The following CBX2 variants were observed in gnomAD, a reference collection of about 807,000 sequenced individuals.
The protein encoded by CBX2 is chromobox 2.
CBX2 carries 11 observed loss-of-function variants against 21.0 expected under a neutral mutation model. The ratio of observed to expected loss-of-function variants is 0.52; its 90% confidence interval spans 0.33 to 0.87. The LOEUF (loss-of-function observed/expected upper bound fraction) is 0.87. Among genes scored for constraint, CBX2 ranks in the 40% least tolerant of loss-of-function variants. CBX2 has a pLI of 0.02. For synonymous variants in CBX2, 364 were observed against 304.6 expected, an observed-to-expected ratio of 1.19 and a Z score of -2.03; for missense variants, 746 against 724.3, an observed-to-expected ratio of 1.03 and a Z score of -0.34.
At chr17:79,777,927 C>G (rs1462896923), upstream of CBX2, among the ~76,000 whole-genome samples, 13 of 145,938 alleles carry the variant, frequency 8.9e-5, no homozygotes, top group African/African-American at 3.0e-4. Flanking sequence ...GCCCCCACCC[C>G]CGCCCCCGCC....
chr17:79,780,467 T>G (rs977188801), intron 3 of CBX2, among the ~76,000 whole-genome samples: 2 of 152,200 alleles, frequency 1.3e-5, no homozygotes, highest in African/African-American at 4.8e-5. Flanking sequence ...TTAGTTCCTG[T>G]CTGGGTGCTG....
In CBX2 at chr17:79,785,222, A is replaced by G. The variant is rs1294805654; in HGVS notation, c.*180A>G. The G allele has an allele frequency of 4.7e-6, 3 of 634,324 alleles. No homozygotes were observed. The highest frequency in any genetic ancestry group is 8.5e-6 in the Non-Finnish European group (3 of 354,792). 39.3% of individuals were successfully genotyped at this position (634,324 alleles called of 1,614,324 possible). On this transcript the variant is annotated 3_prime_UTR_variant, in exon 5 of 5. Coordinates refer to ENST00000310942, the MANE Select transcript of CBX2 (RefSeq NM_005189.3). The stretch of plus-strand genomic sequence containing the variant: ...CCCGCACCCCACTCTGTCCCAGGAC[A>G]TAGGGCAGGGGGCCTCACTGCCTTG...
At chr17:79,779,839 C>T (rs1336493148) in intron 3 of CBX2, 4 of 282,490 alleles carry the variant, frequency 1.4e-5, no homozygotes, top group African/African-American at 2.2e-5. Context: ...CAGCCCTGCA[C>T]GCGTGTGCCA....
At chr17:79,779,523 T>TCCA in intron 3 of CBX2, 96 bp downstream of exon 3, 1 of 1,128,580 alleles carries the variant, frequency 8.9e-7, no homozygotes. Flanking sequence ...AGGCTGGAGC[T>TCCA]GGGGCTGTGG....
At chr17:79,779,876 C>G (rs1291844718) in intron 3 of CBX2, 7 of 260,094 alleles carry the variant, frequency 2.7e-5, no homozygotes, top group African/African-American at 1.5e-4. Context: ...AGAGAGGGAG[C>G]TGGAACACAC....
At chr17:79,777,966 C>T (rs1384369867), upstream of CBX2, among the ~76,000 whole-genome samples, 7 of 145,364 alleles carry the variant, frequency 4.8e-5, no homozygotes, top group East Asian at 2.0e-4. Context: ...CGGGACCCCC[C>T]GCCGGAGCGC....
upstream of CBX2, among the ~76,000 whole-genome samples, chr17:79,777,898 C>A (rs1906833462): frequency 6.7e-6 from 1 of 149,520 alleles, no homozygotes; most frequent in Non-Finnish European, 1.5e-5. Flanking sequence ...CCTCCTCCCC[C>A]AGCCAGGGGC....
chr17:79,780,989 C>T (rs1555830061), intron 3 of CBX2, among the ~76,000 whole-genome samples: 1 of 151,952 alleles, frequency 6.6e-6, no homozygotes, highest in African/African-American at 2.4e-5. Context: ...TTCTGAAATA[C>T]AGGCTTTCCC....
In CBX2 at chr17:79,782,118, A is replaced by G. The variant is rs143819294; in HGVS notation, c.288+317A>G. On this transcript the variant is annotated intron_variant, in intron 4 of 4. Transcript: ENST00000310942. ...TTCCCTCCCAGGGGGTCCTTGGGGG[A>G]CGGAAAGGAACAGGAAGCATGCGTA... The G allele has an allele frequency of 3.1e-6, 5 of 1,612,848 alleles. No homozygotes were observed. In the African/African-American group the frequency reaches 6.7e-5, roughly 22 times the overall value.
chr17:79,785,081 C>G lies in CBX2; in HGVS notation c.*39C>G. The G allele has an allele frequency of 6.5e-7, 1 of 1,537,224 alleles. No homozygotes were observed. Among genetic ancestry groups the G allele is most frequent in the Non-Finnish European group, 8.9e-7 (1 of 1,123,936 alleles). ...CCAGCTGCGCGGTCTTACTCCCCTT[C>G]CCTGCCTATGGTGTCGCTTGGCTAA... is the stretch of plus-strand genomic sequence containing the variant. On this transcript the variant is annotated 3_prime_UTR_variant, in exon 5 of 5. Transcript: ENST00000310942.
intron 3 of CBX2, among the ~76,000 whole-genome samples, chr17:79,781,103 G>A (rs1207325977): frequency 6.6e-6 from 1 of 152,122 alleles, no homozygotes; most frequent in African/African-American, 2.4e-5. Flanking sequence ...AGCCTTGCCT[G>A]CCTCAGACCT....
In CBX2 at chr17:79,784,538, G is replaced by A; in HGVS notation, c.1095G>A (p.Met365Ile). 2 of 1,612,714 alleles carry A rather than the reference G, an allele frequency of 1.2e-6. No individual in the cohort carries two copies. Among genetic ancestry groups the A allele is most frequent in the Non-Finnish European group, 1.7e-6 (2 of 1,179,932 alleles). Residue 365 changes from methionine to isoleucine, a missense_variant, in exon 5 of 5, where the codon ATG becomes ATA. This residue lies in a region of CBX2 where 701 missense variants were observed against 650.7 expected (regional missense o/e 1.08). Coordinates refer to ENST00000310942, the MANE Select transcript of CBX2 (RefSeq NM_005189.3). This position sits in a 1 kb window ranked among gnomAD's most constrained non-coding sequence, Gnocchi z 5.9. ...ACTTGCAGAGTGTCAAGAATGGCAT[G>A]CCCGGGGTGGGTCTCCTTGCCCGCC... ...VLDLQSVKNG[M>I]PGVGLLARHA...
At position 79,787,625 on chromosome 17, in the gene CBX2, C is replaced by A. The variant is rs561830869; in HGVS notation, c.*2583C>A. ...TTGTGTAGCTAGGTATCTGGCACTT[C>A]TGACGATGCATTGTTGCTTTTTTCC... On this transcript the variant is annotated 3_prime_UTR_variant, in exon 5 of 5. Coordinates refer to ENST00000310942, the MANE Select transcript of CBX2 (RefSeq NM_005189.3). The A allele has an allele frequency of 1.3e-4, 20 of 152,500 alleles. No individual in the cohort carries two copies. Among genetic ancestry groups the A allele is most frequent in the African/African-American group, 4.1e-4 (17 of 41,558 alleles). 9.4% of individuals were successfully genotyped at this position (152,500 alleles called of 1,614,324 possible).
intron 3 of CBX2, 86 bp from the exon 4 acceptor site, chr17:79,781,610 A>G (rs960833976): frequency 8.8e-7 from 1 of 1,141,766 alleles, no homozygotes; most frequent in Middle Eastern, 2.2e-4. Context: ...GCCAACAGGA[A>G]TAGGGTGCTG....
chr17:79,779,507 GC>G lies in CBX2; in HGVS notation c.182+82del, dbSNP rs577663744. The G allele has an allele frequency of 5.6e-4, 744 of 1,320,194 alleles. 10 individuals are homozygous for G. In the South Asian group the frequency reaches 8.7e-3, roughly 15 times the overall value. The allele number at this position is 1,320,194 out of a possible 1,614,324, so 81.8% of individuals were successfully genotyped here. A position where few individuals can be genotyped will look rare whatever the true frequency, so the allele number is the denominator to read the frequency against. On this transcript the variant is annotated intron_variant, in intron 3 of 4. Transcript: ENST00000310942. Reference sequence around the variant, plus strand: ...GAGTCGTGCTGGGCGCTGCTCGCCTGCCGGGAGGCTGGAGCTGGGGCTGTGG... The same window carrying G: ...GAGTCGTGCTGGGCGCTGCTCGCCTGCGGGAGGCTGGAGCTGGGGCTGTGG...
Position 79,779,310 on chromosome 17 carries a change from A to AGCGGTGATCATCAGCCTG in CBX2, c.117-48_117-31dup, listed in dbSNP as rs1415756794. ...CGAGCCCCCTCGGGCTGCCTTGCAA[A>AGCGGTGATCATCAGCCTG]GCGGTGATCATCAGCCTGGCGTCTA... On this transcript the variant is annotated intron_variant, in intron 2 of 4. Coordinates refer to ENST00000310942, the MANE Select transcript of CBX2 (RefSeq NM_005189.3). 49 of 1,584,686 alleles carry AGCGGTGATCATCAGCCTG rather than the reference A, an allele frequency of 3.1e-5. No individual in the cohort carries two copies. In the African/African-American group the frequency reaches 6.2e-4, roughly 20 times the overall value.
intron 3 of CBX2, among the ~76,000 whole-genome samples, chr17:79,780,940 A>G (rs1213120177): frequency 3.3e-5 from 5 of 152,244 alleles, no homozygotes; most frequent in East Asian, 1.9e-4. Flanking sequence ...CCAGGCCCCA[A>G]TGAGATGATG....
In CBX2 at chr17:79,778,557, C is replaced by T. The variant is rs1906913303; in HGVS notation, c.116+130C>T. On this transcript the variant is annotated intron_variant, in intron 2 of 4. Coordinates refer to ENST00000310942, the MANE Select transcript of CBX2 (RefSeq NM_005189.3). The surrounding 1 kb of genome is among the most constrained non-coding windows in gnomAD (Gnocchi z 4.8). ...CAGAGCGGGAAGTTCGCGGGGTCCCCGCGGGCTCCTCCGGCTCTGAGGGGG... is the reference window on the plus strand; with the variant it reads ...CAGAGCGGGAAGTTCGCGGGGTCCCTGCGGGCTCCTCCGGCTCTGAGGGGG... 2 of 508,256 alleles carry T rather than the reference C, an allele frequency of 3.9e-6. No individual in the cohort carries two copies. Among genetic ancestry groups the T allele is most frequent in the African/African-American group, 2.1e-5 (1 of 48,648 alleles). The allele number at this position is 508,256 out of a possible 1,614,324, so 31.5% of individuals were successfully genotyped here. A position where few individuals can be genotyped will look rare whatever the true frequency, so the allele number is the denominator to read the frequency against.
Position 79,786,548 on chromosome 17 carries a change from G to A in CBX2, c.*1506G>A, listed in dbSNP as rs1281343037. On this transcript the variant is annotated 3_prime_UTR_variant, in exon 5 of 5. Coordinates refer to ENST00000310942, the MANE Select transcript of CBX2 (RefSeq NM_005189.3). ...GCTTCTGACCAGTATCAGGATTTCT[G>A]TTCTGAGAGCAGCGTGGGCAGCAAG... 6.5e-6 allele frequency: 1 copy of A among 152,742 alleles called. No individual in the cohort carries two copies. Among genetic ancestry groups the A allele is most frequent in the Non-Finnish European group, 1.5e-5 (1 of 68,124 alleles). The allele number at this position is 152,742 out of a possible 1,614,324, so 9.5% of individuals were successfully genotyped here.
Sources: gnomAD v4.1 joint callset for allele counts (sites outside exome capture counted in the v4.1 genomes callset) on GRCh38, gnomAD v4.1.1 for gene constraint, gnomAD v4.1.1 regional missense constraint, Gnocchi (gnomAD v3.1) non-coding constraint, MANE v1.5 for transcripts, NCBI Gene and HGNC (gene_info 2026-07-23, HGNC 2026-07-21) for gene names.